The following PDZD2 variants were observed in gnomAD, a reference collection of about 807,000 sequenced individuals.
PDZD2 encodes the protein PDZ domain containing 2.
A neutral mutation model predicts 220.7 loss-of-function variants in PDZD2; 90 were observed. The observed-to-expected ratio is 0.41, with a 90% CI of 0.34 to 0.49. The LOEUF is 0.49. Among genes scored for constraint, PDZD2 ranks in the 20% least tolerant of loss-of-function variants. The probability of loss-of-function intolerance (pLI) is 0.28; values close to 1 mark genes in which losing one functional copy is unlikely to be tolerated. For missense variants in PDZD2, 3,174 were observed against 3,608.5 expected (o/e 0.88, Z 3.08); for synonymous variants, 1,375 against 1,450.5 (o/e 0.95, Z 1.18).
At chr5:32,052,505 T>C in intron 8 of PDZD2, 106 bp from the exon 9 acceptor site, 1 of 1,009,922 alleles carries the variant, frequency 9.9e-7, no homozygotes, top group South Asian at 1.3e-5. Flanking sequence ...AAATGTCTAG[T>C]ACTGAAGACA....
chr5:32,003,341 A>T (rs1237726689), intron 5 of PDZD2, among the ~76,000 whole-genome samples: 1 of 51,978 alleles, frequency 1.9e-5, no homozygotes, highest in Non-Finnish European at 3.5e-5. Flanking sequence ...CCACCACACC[A>T]CACACACACC....
intron 1 of PDZD2, among the ~76,000 whole-genome samples, chr5:31,667,439 G>A (rs570699838): frequency 9.9e-5 from 15 of 151,962 alleles, no homozygotes; most frequent in Admixed American, 4.6e-4. Flanking sequence ...AGGTGCTTCC[G>A]GAAGAAAAAT....
intron 6 of PDZD2, among the ~76,000 whole-genome samples, chr5:32,010,862 G>A (rs1231875012): frequency 6.6e-6 from 1 of 151,572 alleles, no homozygotes; most frequent in Non-Finnish European, 1.5e-5. Context: ...CAGGCATGGT[G>A]GTGCATGCCT....
chr5:31,704,925 C>T (rs1747748791), intron 1 of PDZD2, among the ~76,000 whole-genome samples: 1 of 152,108 alleles, frequency 6.6e-6, no homozygotes, highest in East Asian at 1.9e-4. Context: ...CTTTGGAAGG[C>T]CGAGGTGGGC....
rs1456856595 is a variant in PDZD2 at position 31,655,891 on chromosome 5, TC to T, written c.-361+16456del. Among the ~76,000 whole-genome samples the T allele has an allele frequency of 2.0e-5, 3 of 152,324 alleles. No individual in the cohort carries two copies. In the East Asian group the frequency reaches 5.8e-4, roughly 29 times the overall value. The stretch of plus-strand genomic sequence containing the variant: ...CATATGTTGTTGCATTCTTAGAAAA[TC>T]CATTAGTCTCAAAACTTAAATTGCA... On this transcript the variant is annotated intron_variant, in intron 1 of 24. Coordinates refer to ENST00000438447, the MANE Select transcript of PDZD2 (RefSeq NM_178140.4).
intron 1 of PDZD2, among the ~76,000 whole-genome samples, chr5:31,698,098 G>A (rs1339485210): frequency 2.7e-5 from 4 of 148,146 alleles, no homozygotes; most frequent in East Asian, 4.1e-4. Flanking sequence ...TAGTAGAGAC[G>A]GGGTTTCACC....
At chr5:31,706,526 A>G (rs1267494215) in intron 1 of PDZD2, among the ~76,000 whole-genome samples, 4 of 152,070 alleles carry the variant, frequency 2.6e-5, no homozygotes, top group Non-Finnish European at 5.9e-5. Context: ...AGCAGCTACC[A>G]GAGAGAGCCT....
chr5:31,949,537 G>A (rs1746981303), intron 2 of PDZD2, among the ~76,000 whole-genome samples: 1 of 151,878 alleles, frequency 6.6e-6, no homozygotes, highest in South Asian at 2.1e-4. Flanking sequence ...CATTCTTCTT[G>A]TTCATATATT....
intron 2 of PDZD2, among the ~76,000 whole-genome samples, chr5:31,865,139 G>A (rs570498274): frequency 6.0e-4 from 91 of 151,876 alleles, no homozygotes; most frequent in Non-Finnish European, 1.1e-3. Context: ...GAACCATCGC[G>A]CCCAGCTGAG....
At position 31,961,368 on chromosome 5, in the gene PDZD2, C is replaced by A. The variant is rs367597195; in HGVS notation, c.477-21787C>A. 6.4e-4 allele frequency among the ~76,000 whole-genome samples: 83 copies of A among 130,646 alleles called. 1 individual carries two copies. The highest frequency in any genetic ancestry group is 7.6e-4 in the South Asian group (3 of 3,970). 85.7% of individuals were successfully genotyped at this position (130,646 alleles called of 152,430 possible). A position where few individuals can be genotyped will look rare whatever the true frequency, so the allele number is the denominator to read the frequency against. ...GAAACATGGCGAAACTCCGTCTCTA[C>A]AAAAAAAAAAAAAAAAATTAGCCAG... On this transcript the variant is annotated intron_variant, in intron 2 of 24. Transcript: ENST00000438447.
At chr5:31,937,732 C>T (rs1157149979) in intron 2 of PDZD2, among the ~76,000 whole-genome samples, 1 of 152,184 alleles carries the variant, frequency 6.6e-6, no homozygotes, top group African/African-American at 2.4e-5. Flanking sequence ...CCGTCGCCAC[C>T]CCAACTCTTG....
At chr5:31,877,870 G>A (rs934107297) in intron 2 of PDZD2, among the ~76,000 whole-genome samples, 10 of 152,042 alleles carry the variant, frequency 6.6e-5, no homozygotes, top group Admixed American at 5.9e-4. Flanking sequence ...TGTATTTTTA[G>A]TAGAGATGGG....
intron 1 of PDZD2, among the ~76,000 whole-genome samples, chr5:31,723,646 T>G (rs889816578): frequency 3.3e-5 from 5 of 152,142 alleles, no homozygotes; most frequent in Non-Finnish European, 7.3e-5. Flanking sequence ...AGACGAAGTC[T>G]CGCTCTTGTC....
intron 1 of PDZD2, among the ~76,000 whole-genome samples, chr5:31,788,868 A>G (rs1385965717): frequency 2.0e-5 from 3 of 152,170 alleles, no homozygotes; most frequent in East Asian, 1.9e-4. Flanking sequence ...GGGCAGACAC[A>G]TGCTCTGTAT....
chr5:31,941,170 A>C (rs9292450), intron 2 of PDZD2, among the ~76,000 whole-genome samples: 145,378 of 152,286 alleles, frequency 0.95, 69,445 homozygotes, highest in African/African-American at 0.99. Context: ...AACATTTCTG[A>C]CCCTTTGGCA....
chr5:31,979,724 A>G (rs1305056598), intron 2 of PDZD2, among the ~76,000 whole-genome samples: 2 of 152,246 alleles, frequency 1.3e-5, no homozygotes, highest in Admixed American at 1.3e-4. Flanking sequence ...GTGAAAACAA[A>G]TGAGATGATC....
At position 32,055,537 on chromosome 5, in the gene PDZD2, G is replaced by A. The variant is rs1386427785; in HGVS notation, c.1900+1654G>A. ...TAGCATTCACCAGAGCATGAATCCC[G>A]ATTTTTTCCTCTCACTTATTAATAT... On this transcript the variant is annotated intron_variant, in intron 10 of 24. Coordinates refer to ENST00000438447, the MANE Select transcript of PDZD2 (RefSeq NM_178140.4). Among the ~76,000 whole-genome samples, 14 of 67,686 alleles carry A rather than the reference G, an allele frequency of 2.1e-4. No homozygotes were observed. The East Asian group carries it at 3.1e-3, about 15-fold the overall frequency. The allele number at this position is 67,686 out of a possible 152,430, so 44.4% of individuals were successfully genotyped here.
At chr5:31,753,718 G>A (rs1054347806) in intron 1 of PDZD2, among the ~76,000 whole-genome samples, 7 of 152,198 alleles carry the variant, frequency 4.6e-5, no homozygotes, top group African/African-American at 7.2e-5. Flanking sequence ...GTCTTTTTGC[G>A]TGGACATCCT....
At chr5:31,921,447 G>T (rs1000592953) in intron 2 of PDZD2, among the ~76,000 whole-genome samples, 2 of 152,130 alleles carry the variant, frequency 1.3e-5, no homozygotes, top group African/African-American at 2.4e-5. Flanking sequence ...ACTTCGGGAG[G>T]CCAAGGCAAG....
Sources: gnomAD v4.1 joint callset for allele counts (sites outside exome capture counted in the v4.1 genomes callset) on GRCh38, gnomAD v4.1.1 for gene constraint, MANE v1.5 for transcripts, NCBI Gene and HGNC (gene_info 2026-07-23, HGNC 2026-07-21) for gene names.